Variants in PDE4D observed in about 807,000 individuals in gnomAD.
The protein encoded by PDE4D is phosphodiesterase 4D.
PDE4D carries 24 observed loss-of-function variants against 87.4 expected under a neutral mutation model. The observed-to-expected ratio is 0.27, with a 90% CI of 0.20 to 0.39. The LOEUF (loss-of-function observed/expected upper bound fraction) is 0.39, where lower values mean the gene tolerates loss of function less well. PDE4D is among the 10% of genes least tolerant of loss of function. The pLI is 1.00. For synonymous variants in PDE4D, 384 were observed against 383.2 expected (o/e 1.00, Z -0.02); for missense variants, 714 against 1,041.0 (o/e 0.69, Z 4.32).
chr5:59,432,291 A>G (rs1187956894), intron 1 of PDE4D, among the ~76,000 whole-genome samples: 1 of 152,026 alleles, frequency 6.6e-6, no homozygotes, highest in Non-Finnish European at 1.5e-5. Context: ...TCATGAAAAA[A>G]TTATTTTTGT....
chr5:59,358,765 A>G lies in PDE4D; in HGVS notation c.456-142797T>C, dbSNP rs565515873. On this transcript the variant is annotated intron_variant, in intron 1 of 14. Transcript: ENST00000340635. ...GGGGAGGGAGGCCACAAAGACAAGC[A>G]GAAGAGTAGAAGGGATGTTGCTGGC... Among the ~76,000 whole-genome samples, 45 of 152,128 alleles carry G rather than the reference A, an allele frequency of 3.0e-4. 2 individuals carry two copies. The South Asian group carries it at 9.2e-3, about 31-fold the overall frequency.
At chr5:59,270,959 A>T (rs142254784) in intron 1 of PDE4D, among the ~76,000 whole-genome samples, 3,319 of 152,238 alleles carry the variant, frequency 0.022, 50 homozygotes, top group Middle Eastern at 0.041. Flanking sequence ...AGAACTAAAT[A>T]ATATATATGT....
chr5:59,769,840 G>GA (rs11400559), intron 1 of PDE4D, among the ~76,000 whole-genome samples: 80,161 of 148,648 alleles, frequency 0.54, 21,613 homozygotes, highest in Middle Eastern at 0.62. Flanking sequence ...AATGCATCCA[G>GA]AAAAAAAAAA....
intron 2 of PDE4D, among the ~76,000 whole-genome samples, chr5:60,100,281 T>G (rs1040913668): frequency 6.6e-6 from 1 of 152,022 alleles, no homozygotes. Context: ...CACTAATAAA[T>G]ATAATTTCTC....
chr5:60,244,853 A>G (rs1747567564), intron 1 of PDE4D, among the ~76,000 whole-genome samples: 1 of 151,968 alleles, frequency 6.6e-6, no homozygotes, highest in African/African-American at 2.4e-5. Context: ...GAAAGAAAAC[A>G]TTGGGGAAAC....
rs34203891 is a variant in PDE4D at position 59,189,232 on chromosome 5, G to GTTT, written c.685-3973_685-3971dup. Among the ~76,000 whole-genome samples the GTTT allele has an allele frequency of 2.7e-4, 27 of 99,922 alleles. 1 individual carries two copies. The highest frequency in any genetic ancestry group is 6.5e-4 in the African/African-American group (19 of 29,370). The allele number at this position is 99,922 out of a possible 152,430, so 65.6% of individuals were successfully genotyped here. On this transcript the variant is annotated intron_variant, in intron 3 of 14. Coordinates refer to ENST00000340635, the MANE Select transcript of PDE4D (RefSeq NM_001104631.2). ...AAAGAGATGTAGTTGTTCCTACCCC[G>GTTT]TTTTTTTTTTTGTTTTTTTTGTTTT...
intron 1 of PDE4D, among the ~76,000 whole-genome samples, chr5:59,358,861 T>C (rs961395188): frequency 2.0e-5 from 3 of 152,184 alleles, no homozygotes; most frequent in African/African-American, 7.2e-5. Flanking sequence ...TAAATTTTTG[T>C]AGGTGAAACA....
intron 1 of PDE4D, among the ~76,000 whole-genome samples, chr5:60,509,022 C>T (rs1750449532): frequency 6.6e-6 from 1 of 152,086 alleles, no homozygotes; most frequent in African/African-American, 2.4e-5. Flanking sequence ...GCCTCAGCCT[C>T]CCGAGTAGCT....
chr5:60,427,453 C>G (rs1356832068), intron 1 of PDE4D, among the ~76,000 whole-genome samples: 1 of 152,138 alleles, frequency 6.6e-6, no homozygotes, highest in South Asian at 2.1e-4. Context: ...ACTCAGAACT[C>G]TACAACCAAC....
chr5:59,880,994 AT>A (rs1355565975), intron 1 of PDE4D, among the ~76,000 whole-genome samples: 5 of 152,228 alleles, frequency 3.3e-5, no homozygotes, highest in Non-Finnish European at 7.3e-5. Context: ...CAAAATAAAA[AT>A]AATACATAAA....
intron 1 of PDE4D, among the ~76,000 whole-genome samples, chr5:59,859,204 A>G (rs1272264660): frequency 2.6e-5 from 4 of 152,208 alleles, no homozygotes; most frequent in Non-Finnish European, 5.9e-5. Context: ...CTGACAAACA[A>G]TAACCTATTT....
intron 1 of PDE4D, among the ~76,000 whole-genome samples, chr5:60,461,690 CA>C (rs992934839): frequency 2.9e-4 from 44 of 152,164 alleles, no homozygotes; most frequent in Admixed American, 6.5e-4. Context: ...TACCAGCAAA[CA>C]AAAAAACATT....
At chr5:59,213,962 C>T (rs896477723) in intron 2 of PDE4D, among the ~76,000 whole-genome samples, 3 of 151,534 alleles carry the variant, frequency 2.0e-5, no homozygotes, top group Admixed American at 6.6e-5. Flanking sequence ...CGTACTCATT[C>T]ATGGACAAAA....
At chr5:60,195,269 A>T (rs903917432) in intron 1 of PDE4D, among the ~76,000 whole-genome samples, 1 of 151,524 alleles carries the variant, frequency 6.6e-6, no homozygotes, top group African/African-American at 2.4e-5. Flanking sequence ...CCCACAGTAT[A>T]TTTGTCAAAT....
At chr5:59,555,990 G>A (rs755707992) in intron 1 of PDE4D, among the ~76,000 whole-genome samples, 4 of 152,142 alleles carry the variant, frequency 2.6e-5, no homozygotes, top group Non-Finnish European at 5.9e-5. Context: ...CCTATTTCAC[G>A]TGAATATCTA....
At chr5:60,115,804 G>A (rs945019949) in intron 2 of PDE4D, among the ~76,000 whole-genome samples, 1 of 151,988 alleles carries the variant, frequency 6.6e-6, no homozygotes, top group African/African-American at 2.4e-5. Context: ...ATAATATTCA[G>A]TGCTTTTAAA....
chr5:59,404,664 T>TAAAAA (rs141310449), intron 1 of PDE4D, among the ~76,000 whole-genome samples: 17 of 137,168 alleles, frequency 1.2e-4, no homozygotes, highest in East Asian at 6.4e-4. Context: ...AGACTCTGTC[T>TAAAAA]AAAAAAAAAA....
intron 1 of PDE4D, among the ~76,000 whole-genome samples, chr5:59,417,618 C>T (rs1793825710): frequency 6.6e-6 from 1 of 151,722 alleles, no homozygotes; most frequent in South Asian, 2.1e-4. Context: ...ACTGTGTGGC[C>T]TTAAACATAC....
chr5:60,159,717 TA>T, intron 2 of PDE4D, among the ~76,000 whole-genome samples: 1 of 152,230 alleles, frequency 6.6e-6, no homozygotes, highest in East Asian at 1.9e-4. Context: ...TTTTAATTAT[TA>T]ACATAATCAT....
Sources: allele counts gnomAD v4.1 joint callset (sites outside exome capture counted in the v4.1 genomes callset), GRCh38; gene constraint gnomAD v4.1.1; transcripts MANE v1.5; gene names NCBI Gene and HGNC (gene_info 2026-07-23, HGNC 2026-07-21).